The following APOOL variants were observed in gnomAD, a reference collection of about 807,000 sequenced individuals.
APOOL encodes the protein MICOS complex subunit MIC27.
In APOOL, 12 loss-of-function variants were observed where a neutral mutation model predicts 23.1. That is an observed-to-expected ratio of 0.52 (90% CI 0.33 to 0.84). The LOEUF (loss-of-function observed/expected upper bound fraction) is 0.84. Among genes scored for constraint, APOOL ranks in the 40% least tolerant of loss-of-function variants. The probability of loss-of-function intolerance (pLI) is 0.02; values close to 1 mark genes in which losing one functional copy is unlikely to be tolerated. For synonymous variants in APOOL, 77 were observed against 69.9 expected, an observed-to-expected ratio of 1.10 and a Z score of -0.51; for missense variants, 212 against 199.6, an observed-to-expected ratio of 1.06 and a Z score of -0.37.
chrX:85,063,313 G>C (rs182528632), intron 5 of APOOL, among the ~76,000 whole-genome samples: 1 of 111,655 alleles, frequency 9.0e-6, no homozygotes. Flanking sequence ...GGCAAACAAA[G>C]ACTATTTGAC....
intron 6 of APOOL, among the ~76,000 whole-genome samples, chrX:85,068,815 C>G (rs1216732993): frequency 9.0e-6 from 1 of 111,537 alleles, no homozygotes; most frequent in Non-Finnish European, 1.9e-5. Flanking sequence ...AAAAAAACAA[C>G]AACCCAAAAT....
chrX:85,087,631 G>A lies in APOOL; in HGVS notation c.760G>A (p.Gly254Arg), dbSNP rs1287743575. 2.7e-5 allele frequency: 32 copies of A among 1,199,349 alleles called. No individual in the cohort carries two copies. Among genetic ancestry groups the A allele is most frequent in the African/African-American group, 3.5e-5 (2 of 56,465 alleles). ...FMPDPKLMDH[G>R]QSHPEDIDMY... ...GCCTGACCCCAAGCTCATGGATCAC[G>A]GGCAGTCCCACCCAGAAGATATAGA... The change falls in exon 9 of 9, where the codon GGG becomes AGG. Residue 254 changes from glycine (G) to arginine (R), a missense_variant. Physicochemically the swap from Gly to Arg is moderately radical, Grantham distance 125. Transcript: ENST00000373173.
intron 5 of APOOL, among the ~76,000 whole-genome samples, chrX:85,062,940 A>T (rs1387031577): frequency 9.0e-6 from 1 of 111,692 alleles, no homozygotes; most frequent in African/African-American, 3.3e-5. Context: ...TTGAATCTTT[A>T]AATTCCATTG....
intron 6 of APOOL, among the ~76,000 whole-genome samples, chrX:85,069,268 T>G (rs1923576925): frequency 9.0e-6 from 1 of 110,871 alleles, no homozygotes; most frequent in Admixed American, 9.7e-5. Context: ...AAGTCACGTA[T>G]GTACAAGAAA....
intron 1 of APOOL, among the ~76,000 whole-genome samples, chrX:85,010,322 T>C: frequency 8.9e-6 from 1 of 112,227 alleles, no homozygotes; most frequent in Non-Finnish European, 1.9e-5. Flanking sequence ...TCTGTGTATC[T>C]TTGATGAAGT....
intron 8 of APOOL, among the ~76,000 whole-genome samples, chrX:85,077,485 A>G (rs1286778742): frequency 9.1e-6 from 1 of 110,435 alleles, no homozygotes; most frequent in Non-Finnish European, 1.9e-5. Context: ...TATGTGCCAC[A>G]TTTTCTTAAT....
At chrX:85,029,241 A>T (rs192240193) in intron 1 of APOOL, among the ~76,000 whole-genome samples, 3 of 111,680 alleles carry the variant, frequency 2.7e-5, no homozygotes, top group Non-Finnish European at 5.7e-5. Flanking sequence ...CTGGACTCAC[A>T]TGAGAATTTC....
chrX:85,066,751 A>C (rs1365945973), intron 5 of APOOL, among the ~76,000 whole-genome samples: 1 of 110,530 alleles, frequency 9.0e-6, no homozygotes. Context: ...ATGGTGTCAC[A>C]CAGTAGTTAA....
At chrX:85,041,262 G>A (rs1401484730) in intron 1 of APOOL, among the ~76,000 whole-genome samples, 1 of 111,778 alleles carries the variant, frequency 8.9e-6, no homozygotes, top group African/African-American at 3.3e-5. Context: ...CCACTTTTCT[G>A]TAAGGCTGCT....
At chrX:85,025,160 G>A (rs1048724203) in intron 1 of APOOL, among the ~76,000 whole-genome samples, 1 of 111,246 alleles carries the variant, frequency 9.0e-6, no homozygotes, top group African/African-American at 3.3e-5. Flanking sequence ...AAGGGCAAGA[G>A]AGAGAGACAG....
At chrX:85,043,174 A>T (rs16980054) in intron 1 of APOOL, among the ~76,000 whole-genome samples, 6,523 of 111,369 alleles carry the variant, frequency 0.059, 455 homozygotes, top group African/African-American at 0.19. Flanking sequence ...GAGAGCCAGT[A>T]TTTAATCTCT....
At chrX:85,006,103 A>G (rs1333418702) in intron 1 of APOOL, among the ~76,000 whole-genome samples, 1 of 112,007 alleles carries the variant, frequency 8.9e-6, no homozygotes, top group Non-Finnish European at 1.9e-5. Context: ...CATGAAAATT[A>G]AGGTTTAGAG....
At chrX:85,026,004 T>C (rs1921830080) in intron 1 of APOOL, among the ~76,000 whole-genome samples, 1 of 113,051 alleles carries the variant, frequency 8.8e-6, no homozygotes, top group Non-Finnish European at 1.9e-5. Context: ...ATAGTAGAGG[T>C]TCTCTGTGAG....
At chrX:85,044,286 G>GT (rs1182372089) in intron 1 of APOOL, among the ~76,000 whole-genome samples, 1 of 104,742 alleles carries the variant, frequency 9.5e-6, no homozygotes, top group Non-Finnish European at 2.0e-5. Flanking sequence ...ATATATATAT[G>GT]TATTTTTTTG....
chrX:85,025,115 C>T (rs1921795669), intron 1 of APOOL, among the ~76,000 whole-genome samples: 1 of 111,458 alleles, frequency 9.0e-6, no homozygotes, highest in African/African-American at 3.3e-5. Context: ...TGGCAGACTA[C>T]AAAAGGAGGA....
At chrX:85,069,560 A>C (rs1314236382) in intron 6 of APOOL, among the ~76,000 whole-genome samples, 2 of 96,225 alleles carry the variant, frequency 2.1e-5, no homozygotes, top group Non-Finnish European at 4.1e-5. Flanking sequence ...CAGTGAGCCG[A>C]GATTGCACCA....
chrX:85,060,959 A>T (rs5923245), intron 5 of APOOL, among the ~76,000 whole-genome samples: 2 of 109,554 alleles, frequency 1.8e-5, no homozygotes, highest in Admixed American at 9.8e-5. Flanking sequence ...GTCTTGTGCC[A>T]GTTTTCAAAG....
At chrX:85,033,808 C>T (rs1343080123) in intron 1 of APOOL, among the ~76,000 whole-genome samples, 2 of 111,788 alleles carry the variant, frequency 1.8e-5, no homozygotes, top group East Asian at 2.8e-4. Context: ...AGAGCTTTTC[C>T]ATCATGCATT....
At chrX:85,032,039 G>A (rs1397435818) in intron 1 of APOOL, among the ~76,000 whole-genome samples, 3 of 111,683 alleles carry the variant, frequency 2.7e-5, no homozygotes, top group Non-Finnish European at 5.6e-5. Flanking sequence ...ATATGTGTGT[G>A]TCAAAGGAGG....
Sources: gnomAD v4.1 joint callset for allele counts (sites outside exome capture counted in the v4.1 genomes callset) on GRCh38, gnomAD v4.1.1 for gene constraint, MANE v1.5 for transcripts, NCBI Gene and HGNC (gene_info 2026-07-23, HGNC 2026-07-21) for gene names.